Variants in FREM1 observed in about 807,000 individuals in gnomAD.
FREM1 encodes the protein FRAS1-related extracellular matrix protein 1.
FREM1 carries 220 observed loss-of-function variants against 210.1 expected under a neutral mutation model. The ratio of observed to expected loss-of-function variants is 1.05; its 90% CI spans 0.94 to 1.17. The LOEUF (loss-of-function observed/expected upper bound fraction) is 1.17. Among genes scored for constraint, FREM1 ranks in the 50% most tolerant of loss-of-function variants. The pLI, the probability that FREM1 is intolerant of heterozygous loss-of-function variation, is 0.00. For missense variants in FREM1, 3,454 were observed against 2,675.5 expected, an observed-to-expected ratio of 1.29 and a Z score of -6.42; for synonymous variants, 1,189 against 980.2, an observed-to-expected ratio of 1.21 and a Z score of -3.98.
chr9:14,824,409 C>G (rs958092174), intron 11 of FREM1, among the ~76,000 whole-genome samples: 6 of 152,120 alleles, frequency 3.9e-5, no homozygotes, highest in Admixed American at 3.9e-4. Context: ...ACTAGCATAA[C>G]GTATATTCAT....
intron 15 of FREM1, among the ~76,000 whole-genome samples, chr9:14,813,839 T>C (rs1004103032): frequency 6.6e-6 from 1 of 152,232 alleles, no homozygotes; most frequent in Non-Finnish European, 1.5e-5. Context: ...ACGTCTGCCC[T>C]GTGAATCCTC....
At chr9:14,817,198 G>A (rs1230571144) in intron 14 of FREM1, among the ~76,000 whole-genome samples, 1 of 152,178 alleles carries the variant, frequency 6.6e-6, no homozygotes, top group Non-Finnish European at 1.5e-5. Flanking sequence ...ACACTGACTA[G>A]GGCCAGGAGA....
At chr9:14,831,200 A>G (rs1403030603) in intron 10 of FREM1, among the ~76,000 whole-genome samples, 1 of 152,230 alleles carries the variant, frequency 6.6e-6, no homozygotes, top group African/African-American at 2.4e-5. Flanking sequence ...ACAGCCTCCA[A>G]CAGCCCATTC....
At chr9:14,759,074 CT>C (rs1376539101) in intron 28 of FREM1, among the ~76,000 whole-genome samples, 2 of 152,174 alleles carry the variant, frequency 1.3e-5, no homozygotes, top group Non-Finnish European at 2.9e-5. Flanking sequence ...CACAGAATGT[CT>C]TGCATACAAC....
chr9:14,866,957 T>C (rs1217701280), intron 2 of FREM1, among the ~76,000 whole-genome samples: 2 of 152,068 alleles, frequency 1.3e-5, no homozygotes, highest in Non-Finnish European at 1.5e-5. Context: ...CCTCCCGGGT[T>C]CAAGCGATTC....
chr9:14,823,291 G>C lies in FREM1; in HGVS notation c.2206C>G (p.Pro736Ala), dbSNP rs775317072. 6.2e-7 allele frequency: 1 copy of C among 1,613,892 alleles called. No individual in the cohort carries two copies. The highest frequency in any genetic ancestry group is 2.2e-5 in the East Asian group (1 of 44,888). The stretch of plus-strand genomic sequence containing the variant: ...CAATGGGGACCAATGTCTTGCATGG[G>C]GGGCATGTAGGCCACTTTCATATAG... ...VNYMKVAYMP[P>A]MQDIGPHCRD... The change falls in exon 13 of 37, where the codon CCC (proline) becomes GCC (alanine). Residue 736 changes from proline (P) to alanine (A), a missense_variant. Pro to Ala is a conservative substitution (Grantham distance 27). Coordinates refer to ENST00000380880, the MANE Select transcript of FREM1 (RefSeq NM_001379081.2).
At chr9:14,760,177 C>A (rs1263222656) in intron 27 of FREM1, among the ~76,000 whole-genome samples, 1 of 152,148 alleles carries the variant, frequency 6.6e-6, no homozygotes, top group African/African-American at 2.4e-5. Flanking sequence ...GAATGTCTCC[C>A]AGATATTTAC....
intron 27 of FREM1, among the ~76,000 whole-genome samples, chr9:14,763,513 G>T (rs143841887): frequency 1.3e-5 from 2 of 152,110 alleles, no homozygotes; most frequent in African/African-American, 4.8e-5. Flanking sequence ...GAAAGCAAAA[G>T]CTGGTTCAAT....
chr9:14,825,599 G>A (rs952901774), intron 10 of FREM1, among the ~76,000 whole-genome samples: 21 of 140,084 alleles, frequency 1.5e-4, no homozygotes, highest in African/African-American at 5.1e-4. Flanking sequence ...CCAGTCATGA[G>A]TGCTACAGAA....
chr9:14,813,730 A>G (rs1489038863), intron 15 of FREM1, among the ~76,000 whole-genome samples: 1 of 151,490 alleles, frequency 6.6e-6, no homozygotes, highest in Non-Finnish European at 1.5e-5. Flanking sequence ...ATTTAAAAAG[A>G]TCGTGTAGAA....
intron 24 of FREM1, among the ~76,000 whole-genome samples, chr9:14,781,605 C>CCA (rs1278952700): frequency 6.6e-6 from 1 of 152,012 alleles, no homozygotes; most frequent in African/African-American, 2.4e-5. Context: ...GTATCAACAC[C>CCA]CACACACACT....
chr9:14,779,460 TTGAG>T (rs1388790747), intron 24 of FREM1: 2 of 984,670 alleles, frequency 2.0e-6, no homozygotes, highest in African/African-American at 1.7e-5. Flanking sequence ...AAATGCAAGC[TTGAG>T]TGAGTGCCAG....
intron 33 of FREM1, 96 bp downstream of exon 33, chr9:14,747,168 C>T: frequency 1.3e-6 from 2 of 1,568,116 alleles, no homozygotes; most frequent in Non-Finnish European, 1.8e-6. Context: ...TAAACTATCC[C>T]CCCAACCTTG....
chr9:14,798,602 CTT>C (rs1435842538), intron 20 of FREM1, among the ~76,000 whole-genome samples: 1 of 152,018 alleles, frequency 6.6e-6, no homozygotes, highest in East Asian at 1.9e-4. Flanking sequence ...AAAGTCATCT[CTT>C]TTAAAAAATT....
intron 1 of FREM1, among the ~76,000 whole-genome samples, chr9:14,902,550 A>G: frequency 6.6e-6 from 1 of 152,212 alleles, no homozygotes; most frequent in Non-Finnish European, 1.5e-5. Context: ...AAAGCAATTC[A>G]GCAACAATCC....
At chr9:14,894,625 A>G (rs1487945356) in intron 1 of FREM1, among the ~76,000 whole-genome samples, 1 of 152,220 alleles carries the variant, frequency 6.6e-6, no homozygotes, top group East Asian at 1.9e-4. Context: ...TTTTTGCTTA[A>G]AACGGTGCTA....
At chr9:14,795,024 G>T (rs1305850751) in intron 21 of FREM1, among the ~76,000 whole-genome samples, 1 of 149,742 alleles carries the variant, frequency 6.7e-6, no homozygotes, top group Non-Finnish European at 1.5e-5. Context: ...AAATAGAAAA[G>T]AAAGAAAGAA....
At chr9:14,779,516 C>T (rs573569261) in intron 24 of FREM1, 3 of 985,004 alleles carry the variant, frequency 3.0e-6, no homozygotes, top group Non-Finnish European at 3.6e-6. Flanking sequence ...CTAATTCTGA[C>T]TTTCCTCCCT....
chr9:14,904,597 G>C (rs1817364701), intron 1 of FREM1, among the ~76,000 whole-genome samples: 1 of 152,122 alleles, frequency 6.6e-6, no homozygotes, highest in Non-Finnish European at 1.5e-5. Flanking sequence ...ATGGTTCCAG[G>C]GTGCAGAACC....
Sources: gnomAD v4.1 joint callset for allele counts (sites outside exome capture counted in the v4.1 genomes callset) on GRCh38, gnomAD v4.1.1 for gene constraint, MANE v1.5 for transcripts, NCBI Gene and HGNC (gene_info 2026-07-23, HGNC 2026-07-21) for gene names.